Variants in CDKAL1 observed in about 807,000 individuals in gnomAD.
CDKAL1 encodes the protein threonylcarbamoyladenosine tRNA methylthiotransferase.
A neutral mutation model predicts 68.2 loss-of-function variants in CDKAL1; 32 were observed. That is an observed-to-expected ratio of 0.47 (90% CI 0.35 to 0.63). The LOEUF (loss-of-function observed/expected upper bound fraction) is 0.63, where lower values mean the gene tolerates loss of function less well. Ranked by LOEUF, CDKAL1 falls within the 30% of genes least tolerant of loss-of-function variation. CDKAL1 has a pLI of 0.00. For missense variants in CDKAL1, 606 were observed against 696.7 expected, an observed-to-expected ratio of 0.87 and a Z score of 1.47; for synonymous variants, 234 against 244.3, an observed-to-expected ratio of 0.96 and a Z score of 0.39.
At chr6:21,003,373 C>CAT (rs1372992849) in intron 11 of CDKAL1, among the ~76,000 whole-genome samples, 1 of 26,298 alleles carries the variant, frequency 3.8e-5, no homozygotes, top group African/African-American at 9.3e-5. Context: ...TATATATATA[C>CAT]ACACACACAC....
intron 13 of CDKAL1, among the ~76,000 whole-genome samples, chr6:21,111,466 T>G (rs908337732): frequency 3.9e-5 from 6 of 152,186 alleles, no homozygotes; most frequent in African/African-American, 1.4e-4. Context: ...GTCAGTTGTA[T>G]TTGCTCTTCT....
chr6:20,930,328 G>GT (rs1233775225), intron 9 of CDKAL1, among the ~76,000 whole-genome samples: 4 of 150,556 alleles, frequency 2.7e-5, no homozygotes, highest in African/African-American at 4.9e-5. Flanking sequence ...TAACTTCATT[G>GT]TTTTTTAAAG....
rs762162158 is a variant in CDKAL1 at position 21,065,107 on chromosome 6, A to G, written c.1115A>G (p.Gln372Arg). ...IICGFPGETDQDFQETVKLVE... is the reference protein window; with the variant it reads ...IICGFPGETDRDFQETVKLVE... ...TGTGGTTTTCCTGGAGAAACAGATC[A>G]GGATTTTCAAGAAACAGTGAAACTT... The change falls in exon 12 of 16, where the codon CAG becomes CGG. Residue 372 changes from glutamine to arginine, a missense_variant. Transcript: ENST00000274695. The G allele has an allele frequency of 6.2e-7, 1 of 1,606,708 alleles. No homozygotes were observed. Among genetic ancestry groups the G allele is most frequent in the South Asian group, 1.1e-5 (1 of 88,284 alleles).
intron 10 of CDKAL1, among the ~76,000 whole-genome samples, chr6:20,974,569 T>C (rs1438516698): frequency 6.6e-6 from 1 of 152,186 alleles, no homozygotes; most frequent in African/African-American, 2.4e-5. Context: ...AGTTATGCTC[T>C]ACAAATAATA....
At chr6:20,844,363 G>A (rs536303514) in intron 8 of CDKAL1, among the ~76,000 whole-genome samples, 1 of 152,044 alleles carries the variant, frequency 6.6e-6, no homozygotes, top group Non-Finnish European at 1.5e-5. Context: ...GATGTTTGGC[G>A]CTCAGTTCTT....
intron 5 of CDKAL1, among the ~76,000 whole-genome samples, chr6:20,718,840 C>G (rs1368396471): frequency 1.3e-5 from 2 of 152,034 alleles, no homozygotes; most frequent in Admixed American, 1.3e-4. Flanking sequence ...AAAAAAACTT[C>G]TTACTATTTG....
intron 5 of CDKAL1, among the ~76,000 whole-genome samples, chr6:20,731,008 G>A (rs1157543594): frequency 6.6e-6 from 1 of 152,162 alleles, no homozygotes; most frequent in Non-Finnish European, 1.5e-5. Flanking sequence ...GAATGTATCA[G>A]TGGAGAAACA....
At chr6:21,075,498 A>G (rs920137699) in intron 12 of CDKAL1, among the ~76,000 whole-genome samples, 8 of 152,202 alleles carry the variant, frequency 5.3e-5, no homozygotes, top group African/African-American at 1.9e-4. Flanking sequence ...AAAGAGTATA[A>G]TCCTCTTAAC....
intron 10 of CDKAL1, among the ~76,000 whole-genome samples, chr6:20,969,135 G>A (rs549514309): frequency 1.2e-4 from 18 of 152,120 alleles, no homozygotes; most frequent in East Asian, 1.9e-4. Context: ...AACAATGCAC[G>A]GCTTAGAGGT....
chr6:20,700,524 A>T (rs1041692206), intron 5 of CDKAL1, among the ~76,000 whole-genome samples: 3 of 152,134 alleles, frequency 2.0e-5, no homozygotes, highest in Non-Finnish European at 2.9e-5. Flanking sequence ...AACTGTAAAT[A>T]ATTACAGGCC....
At chr6:21,087,121 G>C (rs77848680) in intron 12 of CDKAL1, among the ~76,000 whole-genome samples, 4 of 152,112 alleles carry the variant, frequency 2.6e-5, no homozygotes, top group Admixed American at 6.5e-5. Context: ...TGCATAAACT[G>C]CCTGAAATTG....
At chr6:21,020,724 C>T (rs1768606978) in intron 11 of CDKAL1, among the ~76,000 whole-genome samples, 2 of 151,572 alleles carry the variant, frequency 1.3e-5, no homozygotes. Flanking sequence ...GCCTTGGCCT[C>T]CCAAAGTGCT....
chr6:20,789,178 G>T (rs1433510687), intron 8 of CDKAL1, among the ~76,000 whole-genome samples: 1 of 152,142 alleles, frequency 6.6e-6, no homozygotes, highest in Admixed American at 6.5e-5. Context: ...TTACTCTTTT[G>T]TCCACAAACC....
rs553804984 is a variant in CDKAL1 at position 21,198,076 on chromosome 6, A to T, written c.1355A>T (p.Tyr452Phe). 9.4e-5 allele frequency: 151 copies of T among 1,604,390 alleles called. 1 individual carries two copies. In the East Asian group the frequency reaches 2.8e-3, roughly 30 times the overall value. The change falls in exon 14 of 16, where the codon TAT (tyrosine) becomes TTT (phenylalanine). Residue 452 changes from tyrosine to phenylalanine, a missense_variant. Physicochemically the swap from Tyr to Phe is conservative, Grantham distance 22. Transcript: ENST00000274695. The stretch of plus-strand genomic sequence containing the variant: ...GAAGAATCTTTTGATTCCAAGTTTT[A>T]TGTTGCACACAATCAATTCTATGAG... ...VTEESFDSKF[Y>F]VAHNQFYEQV...
intron 13 of CDKAL1, 85 bp downstream of exon 13, chr6:21,108,548 G>T: frequency 2.5e-6 from 2 of 787,684 alleles, no homozygotes; most frequent in Non-Finnish European, 4.1e-6. Flanking sequence ...TGGTGATTCT[G>T]AAATACACTT....
intron 13 of CDKAL1, among the ~76,000 whole-genome samples, chr6:21,130,381 C>T (rs1343090909): frequency 4.6e-5 from 7 of 152,020 alleles, no homozygotes; most frequent in African/African-American, 1.7e-4. Flanking sequence ...CCCGCCACCA[C>T]GCCCAGCTCA....
At chr6:21,070,853 G>C (rs937366510) in intron 12 of CDKAL1, among the ~76,000 whole-genome samples, 1 of 152,274 alleles carries the variant, frequency 6.6e-6, no homozygotes, top group Middle Eastern at 3.4e-3. Context: ...TGTAGTCCCT[G>C]AACAGCAGTG....
intron 5 of CDKAL1, among the ~76,000 whole-genome samples, chr6:20,724,091 C>T (rs1180589927): frequency 1.3e-5 from 2 of 152,108 alleles, no homozygotes; most frequent in African/African-American, 4.8e-5. Context: ...TGCCACCACA[C>T]CTGGATACTT....
At chr6:20,861,895 G>A (rs544275590) in intron 9 of CDKAL1, among the ~76,000 whole-genome samples, 1 of 152,174 alleles carries the variant, frequency 6.6e-6, no homozygotes, top group Non-Finnish European at 1.5e-5. Flanking sequence ...GAATGGAGAA[G>A]TCATATTGAA....
Sources: gnomAD v4.1 joint callset for allele counts (sites outside exome capture counted in the v4.1 genomes callset) on GRCh38, gnomAD v4.1.1 for gene constraint, MANE v1.5 for transcripts, NCBI Gene and HGNC (gene_info 2026-07-23, HGNC 2026-07-21) for gene names.